Variants in LHX8 observed in about 807,000 individuals in gnomAD.
LHX8 encodes the protein LIM homeobox 8, also known as LIM/homeobox protein Lhx8.
A neutral mutation model predicts 40.3 loss-of-function variants in LHX8; 12 were observed. The observed-to-expected ratio is 0.30, with a 90% CI of 0.19 to 0.48. LHX8 has a LOEUF of 0.48. Ranked by LOEUF, LHX8 falls within the 20% of genes least tolerant of loss-of-function variation. The pLI, the probability that LHX8 is intolerant of heterozygous loss-of-function variation, is 0.99. For synonymous variants in LHX8, 179 were observed against 162.0 expected (o/e 1.10, Z -0.80); for missense variants, 344 against 433.7 (o/e 0.79, Z 1.84).
the LHX8 span, among the ~76,000 whole-genome samples, chr1:75,188,293 T>A: frequency 1.3e-5 from 2 of 151,910 alleles, no homozygotes; most frequent in Non-Finnish European, 2.9e-5. Flanking sequence ...AGAGTGGGAG[T>A]CAAATGTCAA....
chr1:75,163,776 A>C (rs909160690), downstream of LHX8, among the ~76,000 whole-genome samples: 2 of 152,196 alleles, frequency 1.3e-5, no homozygotes, highest in African/African-American at 4.8e-5. Flanking sequence ...TTGTATTAAA[A>C]CATAGTCTGC....
chr1:75,141,124 T>C lies in LHX8; in HGVS notation c.359+18T>C, dbSNP rs746797135. ...TATTTCAGGTATGCTGTGAAGCTTT[T>C]TCTTAGTAGATACTTGAATAAATTA... On this transcript the variant is annotated intron_variant, in intron 4 of 8. Transcript: ENST00000356261. 3.1e-6 allele frequency: 5 copies of C among 1,611,354 alleles called. No homozygotes were observed. In the Middle Eastern group the frequency reaches 6.6e-4, roughly 213 times the overall value.
chr1:75,175,407 A>T, the LHX8 span, among the ~76,000 whole-genome samples: 1 of 152,204 alleles, frequency 6.6e-6, no homozygotes, highest in South Asian at 2.1e-4. Context: ...TGGTTATACT[A>T]GTTCATATTC....
In LHX8 at chr1:75,137,145, G is replaced by GCCCCGCTGTCCCCGTCGTCCTCGC; in HGVS notation, c.125_148dup (p.Pro42_Pro49dup). The stretch of plus-strand genomic sequence containing the variant: ...GGACGAGGACTCGTGCTCCTCCTCG[G>GCCCCGCTGTCCCCGTCGTCCTCGC]CCCCGCTGTCCCCGTCGTCCTCGCC... On this transcript the variant is annotated inframe_insertion, in exon 3 of 9. Coordinates refer to ENST00000356261, the MANE Select transcript of LHX8 (RefSeq NM_001256114.2). 1 of 1,612,294 alleles carries GCCCCGCTGTCCCCGTCGTCCTCGC rather than the reference G, an allele frequency of 6.2e-7. No homozygotes were observed. Among genetic ancestry groups the GCCCCGCTGTCCCCGTCGTCCTCGC allele is most frequent in the Non-Finnish European group, 8.5e-7 (1 of 1,179,336 alleles).
chr1:75,150,953 G>A (rs1215658769), intron 7 of LHX8, among the ~76,000 whole-genome samples: 4 of 152,102 alleles, frequency 2.6e-5, no homozygotes, highest in Admixed American at 2.6e-4. Context: ...GGGATTACAG[G>A]GGTGAGCCAC....
At chr1:75,131,526 G>GA (rs1647960583), upstream of LHX8, 1 of 152,320 alleles carries the variant, frequency 6.6e-6, no homozygotes, top group Non-Finnish European at 1.5e-5. Context: ...GAAAATATCA[G>GA]TTTTATGCCT....
chr1:75,156,567 A>G (rs1456075660), intron 7 of LHX8, among the ~76,000 whole-genome samples: 1 of 152,178 alleles, frequency 6.6e-6, no homozygotes, highest in Admixed American at 6.5e-5. Context: ...TAATAATTGC[A>G]TTCAAGGGGT....
the LHX8 span, among the ~76,000 whole-genome samples, chr1:75,166,638 G>A: frequency 1.6e-4 from 24 of 152,094 alleles, no homozygotes; most frequent in African/African-American, 3.6e-4. Flanking sequence ...TCCTCCAAGC[G>A]AGACCATATG....
chr1:75,192,344 A>G, the LHX8 span, among the ~76,000 whole-genome samples: 1 of 152,198 alleles, frequency 6.6e-6, no homozygotes, highest in Non-Finnish European at 1.5e-5. Context: ...CTACAGAACC[A>G]TTTGCTAAGA....
intron 4 of LHX8, 95 bp from the exon 5 acceptor site, chr1:75,143,023 C>A: frequency 1.1e-6 from 1 of 934,032 alleles, no homozygotes; most frequent in Non-Finnish European, 1.7e-6. Context: ...TAGGTTATTT[C>A]AATGGGGTAA....
At chr1:75,143,722 G>C in intron 5 of LHX8, 123 bp from the exon 6 acceptor site, 1 of 750,366 alleles carries the variant, frequency 1.3e-6, no homozygotes, top group Non-Finnish European at 2.4e-6. Flanking sequence ...AACTTAAGGG[G>C]TTTTGCCGTC....
the LHX8 span, among the ~76,000 whole-genome samples, chr1:75,189,185 A>G: frequency 5.3e-5 from 8 of 152,340 alleles, no homozygotes; most frequent in East Asian, 1.5e-3. Flanking sequence ...TGCCTGCACC[A>G]TCTGACAGAC....
the LHX8 span, among the ~76,000 whole-genome samples, chr1:75,190,228 C>T: frequency 1.3e-5 from 2 of 152,154 alleles, no homozygotes; most frequent in African/African-American, 2.4e-5. Context: ...GACTCTTTAA[C>T]AAATAAATCT....
At chr1:75,145,540 C>T (rs1648438017) in intron 6 of LHX8, among the ~76,000 whole-genome samples, 2 of 152,058 alleles carry the variant, frequency 1.3e-5, no homozygotes, top group South Asian at 2.1e-4. Flanking sequence ...AAATCCTATA[C>T]CAGGCATTTA....
At chr1:75,174,886 G>A in the LHX8 span, among the ~76,000 whole-genome samples, 1 of 151,914 alleles carries the variant, frequency 6.6e-6, no homozygotes, top group African/African-American at 2.4e-5. Context: ...AAAAAGTGGT[G>A]ATTTCGGAGA....
Position 75,143,115 on chromosome 1 carries a change from T to C in LHX8, c.360-3T>C. On this transcript the variant is annotated splice_region_variant and splice_polypyrimidine_tract_variant and intron_variant, in intron 4 of 8. Transcript: ENST00000356261. ...TTACCTTCCACACCTCTATTTAATG[T>C]AGAAGGTATGGAACTCGCTGCTCTC... 1 of 1,611,154 alleles carries C rather than the reference T, an allele frequency of 6.2e-7. No individual in the cohort carries two copies. The highest frequency in any genetic ancestry group is 1.1e-5 in the South Asian group (1 of 91,016).
intron 3 of LHX8, among the ~76,000 whole-genome samples, chr1:75,140,137 C>T (rs775850104): frequency 3.9e-5 from 6 of 152,168 alleles, no homozygotes; most frequent in Non-Finnish European, 8.8e-5. Context: ...AATATAATGG[C>T]AACAGTTTAA....
At chr1:75,135,384 C>T (rs1648091124) in intron 1 of LHX8, among the ~76,000 whole-genome samples, 1 of 152,242 alleles carries the variant, frequency 6.6e-6, no homozygotes, top group African/African-American at 2.4e-5. Flanking sequence ...GTTGGGGACA[C>T]CAGGCGAAAG....
chr1:75,176,141 T>C, the LHX8 span, among the ~76,000 whole-genome samples: 1 of 152,216 alleles, frequency 6.6e-6, no homozygotes, highest in African/African-American at 2.4e-5. Context: ...TACATGTGCA[T>C]GTGTCTTTAT....
Sources: allele counts gnomAD v4.1 joint callset (sites outside exome capture counted in the v4.1 genomes callset), GRCh38; gene constraint gnomAD v4.1.1; transcripts MANE v1.5; gene names NCBI Gene and HGNC (gene_info 2026-07-23, HGNC 2026-07-21).